The following EEA1 variants were observed in gnomAD, a reference collection of about 807,000 sequenced individuals.
EEA1 encodes the protein early endosome antigen 1.
A neutral mutation model predicts 209.2 loss-of-function variants in EEA1; 111 were observed. That is an observed-to-expected ratio of 0.53 (90% CI 0.45 to 0.62). The LOEUF is 0.62. Among genes scored for constraint, EEA1 ranks in the 20% least tolerant of loss-of-function variants. The pLI is 0.00. For synonymous variants in EEA1, 536 were observed against 540.6 expected (o/e 0.99, Z 0.12); for missense variants, 1,343 against 1,530.8 (o/e 0.88, Z 2.05).
At chr12:92,909,242 G>C (rs1438944378) in intron 1 of EEA1, among the ~76,000 whole-genome samples, 4 of 152,182 alleles carry the variant, frequency 2.6e-5, no homozygotes, top group Non-Finnish European at 5.9e-5. Flanking sequence ...GAATTTTCTA[G>C]AGAAATGGCT....
chr12:92,822,832 C>T (rs192755950), intron 13 of EEA1, among the ~76,000 whole-genome samples: 6 of 152,192 alleles, frequency 3.9e-5, no homozygotes, highest in Admixed American at 2.6e-4. Flanking sequence ...AAATATATCG[C>T]GCTGGTGCCT....
At chr12:92,826,703 A>G (rs1876317751) in intron 12 of EEA1, among the ~76,000 whole-genome samples, 1 of 146,828 alleles carries the variant, frequency 6.8e-6, no homozygotes, top group Non-Finnish European at 1.5e-5. Flanking sequence ...TGACAGAAAG[A>G]GACTCCGTCT....
In EEA1 at chr12:92,852,970, A is replaced by G. The variant is rs558041198; in HGVS notation, c.462T>C (p.Ile154=). The G allele has an allele frequency of 6.2e-7, 1 of 1,612,352 alleles. No individual in the cohort carries two copies. Among genetic ancestry groups the G allele is most frequent in the East Asian group, 2.2e-5 (1 of 44,684 alleles). ...GTTCAAATAAGTCTTTCATTTGCTT[A>G]ATATTAAAATTTTCTGTTTGGGCTT... ...LEEAQTENFN[I]KQMKDLFEQK... is the part of the protein sequence containing the mutation. The change falls in exon 7 of 29, where the codon ATT becomes ATC. Residue 154 remains isoleucine, a synonymous_variant. Coordinates refer to ENST00000322349, the MANE Select transcript of EEA1 (RefSeq NM_003566.4).
intron 18 of EEA1, among the ~76,000 whole-genome samples, chr12:92,802,954 A>G (rs1476553535): frequency 6.6e-5 from 10 of 152,088 alleles, no homozygotes; most frequent in Admixed American, 1.3e-4. Context: ...AAGTCAAATA[A>G]GTTAGTAGTG....
intron 5 of EEA1, among the ~76,000 whole-genome samples, chr12:92,855,077 A>G (rs1877808185): frequency 6.6e-6 from 1 of 152,178 alleles, no homozygotes; most frequent in African/African-American, 2.4e-5. Flanking sequence ...ATAGTTGAAC[A>G]TTTGCATTAG....
At chr12:92,873,744 G>A (rs921451776) in intron 2 of EEA1, among the ~76,000 whole-genome samples, 2 of 152,002 alleles carry the variant, frequency 1.3e-5, no homozygotes, top group Non-Finnish European at 2.9e-5. Flanking sequence ...TCTGTTAAGT[G>A]GAATAACAAT....
chr12:92,858,298 C>A, intron 3 of EEA1: 1 of 744,326 alleles, frequency 1.3e-6, no homozygotes, highest in Admixed American at 1.8e-5. Context: ...GAAATTACAT[C>A]CAGAGCTGCT....
intron 17 of EEA1, among the ~76,000 whole-genome samples, chr12:92,810,117 T>C (rs1306441551): frequency 6.6e-6 from 1 of 152,252 alleles, no homozygotes; most frequent in Non-Finnish European, 1.5e-5. Context: ...CTTTACACAA[T>C]GCATTTCCTT....
rs752392363 is a variant in EEA1, at chr12:92,851,118, C to T, written c.791G>A (p.Ser264Asn). Reference sequence around the variant, plus strand: ...TACAATGAACTTCATTACCTCTGAGCTAGCATATTGTGACTGCAATTTTTT... The same window carrying T: ...TACAATGAACTTCATTACCTCTGAGTTAGCATATTGTGACTGCAATTTTTT... ...ECKKLQSQYA[S>N]SEATISQLRS... Residue 264 changes from serine (S) to asparagine (N), a missense_variant, in exon 9 of 29, where the codon AGC becomes AAC. By Grantham distance (46) the Ser-to-Asn change is conservative. This residue lies in a region of EEA1 where 1,307 missense variants were observed against 1,465.5 expected (regional missense o/e 0.89). Coordinates refer to ENST00000322349, the MANE Select transcript of EEA1 (RefSeq NM_003566.4). The T allele has an allele frequency of 6.2e-7, 1 of 1,613,528 alleles. No individual in the cohort carries two copies. The highest frequency in any genetic ancestry group is 2.2e-5 in the East Asian group (1 of 44,796).
intron 1 of EEA1, 87 bp downstream of exon 1, chr12:92,928,956 C>T (rs1881320131): frequency 2.1e-6 from 3 of 1,423,388 alleles, no homozygotes; most frequent in South Asian, 2.5e-5. Context: ...GGAAGGAGCC[C>T]GCGCTGAGGA....
At position 92,798,889 on chromosome 12, in the gene EEA1, T is replaced by C. The variant is rs755518927; in HGVS notation, c.2967+3A>G. ...TATAAAAAGTAAACAAATATATCAC[T>C]ACCTTCTGTAAAACAGCAATTTTAA... On this transcript the variant is annotated splice_donor_region_variant and intron_variant, in intron 21 of 28. Transcript: ENST00000322349. 8 of 1,576,368 alleles carry C rather than the reference T, an allele frequency of 5.1e-6. No homozygotes were observed. Among genetic ancestry groups the C allele is most frequent in the African/African-American group, 1.4e-5 (1 of 72,908 alleles).
intron 12 of EEA1, among the ~76,000 whole-genome samples, chr12:92,826,980 G>C (rs975508993): frequency 6.6e-6 from 1 of 152,062 alleles, no homozygotes; most frequent in East Asian, 1.9e-4. Context: ...TATTGGAAAA[G>C]AATAGGATCA....
At chr12:92,815,843 C>A (rs1428225569) in intron 15 of EEA1, among the ~76,000 whole-genome samples, 1 of 151,842 alleles carries the variant, frequency 6.6e-6, no homozygotes, top group African/African-American at 2.4e-5. Flanking sequence ...ATGGCATGAT[C>A]AAAACAAGGA....
rs927768185 is a variant in EEA1 at position 92,929,185 on chromosome 12, G to C, written c.-119C>G. 9 of 1,086,664 alleles carry C rather than the reference G, an allele frequency of 8.3e-6. No individual in the cohort carries two copies. Among genetic ancestry groups the C allele is most frequent in the Non-Finnish European group, 9.1e-6 (7 of 773,462 alleles). The allele number at this position is 1,086,664 out of a possible 1,614,324, so 67.3% of individuals were successfully genotyped here. On this transcript the variant is annotated 5_prime_UTR_variant, in exon 1 of 29. Coordinates refer to ENST00000322349, the MANE Select transcript of EEA1 (RefSeq NM_003566.4). ...CGGGAGGGGACCGGGAAGGAGGTCG[G>C]GGCGAGGCGGTGGCGACGGCCGCTC...
intron 10 of EEA1, among the ~76,000 whole-genome samples, chr12:92,833,116 AT>A: frequency 6.6e-6 from 1 of 152,124 alleles, no homozygotes; most frequent in East Asian, 1.9e-4. Context: ...AATCTACTGG[AT>A]TTTTTAGGTT....
intron 1 of EEA1, among the ~76,000 whole-genome samples, chr12:92,901,758 G>A (rs923605999): frequency 5.9e-5 from 9 of 151,934 alleles, no homozygotes; most frequent in Non-Finnish European, 8.8e-5. Flanking sequence ...TAGTAGAAAC[G>A]GGGTTTTTCC....
At chr12:92,797,140 T>C (rs1874688747) in intron 21 of EEA1, among the ~76,000 whole-genome samples, 1 of 152,202 alleles carries the variant, frequency 6.6e-6, no homozygotes, top group Non-Finnish European at 1.5e-5. Flanking sequence ...CAAGCTGGAG[T>C]GCAGTGGCAC....
intron 10 of EEA1, among the ~76,000 whole-genome samples, chr12:92,840,161 A>G (rs1285316038): frequency 1.3e-5 from 2 of 152,136 alleles, no homozygotes; most frequent in Non-Finnish European, 2.9e-5. Context: ...ATATTTCACG[A>G]AAATGTTAAG....
rs1254438186 is a variant in EEA1, at chr12:92,782,360, A to G, written c.3151-225T>C. ...TTTAGTAAAATGGAAGCAATTCCAA[A>G]GCCTCCAAAAATAATCTATTTACTA... is the stretch of plus-strand genomic sequence containing the variant. On this transcript the variant is annotated intron_variant, in intron 22 of 28. Coordinates refer to ENST00000322349, the MANE Select transcript of EEA1 (RefSeq NM_003566.4). 3.9e-5 allele frequency among the ~76,000 whole-genome samples: 6 copies of G among 152,286 alleles called. No individual in the cohort carries two copies. The East Asian group carries it at 1.2e-3, about 29-fold the overall frequency.
Sources: allele counts gnomAD v4.1 joint callset (sites outside exome capture counted in the v4.1 genomes callset), GRCh38; gene constraint gnomAD v4.1.1; regional missense constraint gnomAD v4.1.1; transcripts MANE v1.5; gene names NCBI Gene and HGNC (gene_info 2026-07-23, HGNC 2026-07-21).